Variants in SLC1A2 observed in about 807,000 individuals in gnomAD.
The protein encoded by SLC1A2 is excitatory amino acid transporter 2.
SLC1A2 carries 15 observed loss-of-function variants against 48.8 expected under a neutral mutation model. That is an observed-to-expected ratio of 0.31 (90% CI 0.21 to 0.47). The LOEUF (loss-of-function observed/expected upper bound fraction) is 0.47, where lower values mean the gene tolerates loss of function less well. Among genes scored for constraint, SLC1A2 ranks in the 20% least tolerant of loss-of-function variants. The pLI is 0.99. For missense variants in SLC1A2, 502 were observed against 730.5 expected, an observed-to-expected ratio of 0.69 and a Z score of 3.61; for synonymous variants, 279 against 272.6, an observed-to-expected ratio of 1.02 and a Z score of -0.23.
At chr11:35,330,774 T>G (rs1852400794) in intron 1 of SLC1A2, among the ~76,000 whole-genome samples, 1 of 152,170 alleles carries the variant, frequency 6.6e-6, no homozygotes, top group Admixed American at 6.5e-5. Flanking sequence ...CCAAGGCATG[T>G]GAGAAGCTTC....
At chr11:35,314,743 G>C (rs1234486002) in intron 3 of SLC1A2, among the ~76,000 whole-genome samples, 2 of 149,396 alleles carry the variant, frequency 1.3e-5, no homozygotes, top group African/African-American at 4.9e-5. Context: ...ACCACTAGAG[G>C]TATCATCACT....
intron 1 of SLC1A2, among the ~76,000 whole-genome samples, chr11:35,358,998 G>A (rs1853586662): frequency 6.6e-6 from 1 of 152,172 alleles, no homozygotes; most frequent in Non-Finnish European, 1.5e-5. Flanking sequence ...CACCACAAAA[G>A]CCAGACCTGC....
intron 1 of SLC1A2, chr11:35,374,334 G>T: frequency 1.0e-6 from 1 of 993,474 alleles, no homozygotes; most frequent in African/African-American, 1.6e-5. Context: ...CCTGGACCCT[G>T]CCCAGCAGAA....
chr11:35,396,002 G>A (rs1200460925), intron 1 of SLC1A2, among the ~76,000 whole-genome samples: 1 of 148,614 alleles, frequency 6.7e-6, no homozygotes, highest in Admixed American at 6.6e-5. Flanking sequence ...CAAAGGACGT[G>A]AACTCATCAT....
rs764923996 is a variant in SLC1A2, at chr11:35,265,557, T to C, written c.1623A>G (p.Ala541=). Residue 541 remains alanine, a synonymous_variant, in exon 10 of 11, where the codon GCA becomes GCG. Coordinates refer to ENST00000278379, the MANE Select transcript of SLC1A2 (RefSeq NM_004171.4). ...ATTCATCTACTATGACAGAGTTGTG[T>C]GCAGCATAGACACATTGATTAGAGT... ...ESNSNQCVYA[A]HNSVIVDECK... 1.2e-6 allele frequency: 2 copies of C among 1,602,974 alleles called. No individual in the cohort carries two copies. Among genetic ancestry groups the C allele is most frequent in the Non-Finnish European group, 8.5e-7 (1 of 1,169,918 alleles).
chr11:35,319,261 G>T (rs1419705291), intron 1 of SLC1A2, among the ~76,000 whole-genome samples: 1 of 152,168 alleles, frequency 6.6e-6, no homozygotes, highest in East Asian at 1.9e-4. Context: ...ACAGCAGGGG[G>T]AAATGATCAA....
chr11:35,355,701 A>T (rs1853429805), intron 1 of SLC1A2, among the ~76,000 whole-genome samples: 2 of 152,200 alleles, frequency 1.3e-5, no homozygotes, highest in African/African-American at 4.8e-5. Flanking sequence ...CCTAGTCAAC[A>T]TGGTGAAACC....
At chr11:35,322,612 G>C in intron 1 of SLC1A2, 1 of 1,535,208 alleles carries the variant, frequency 6.5e-7, no homozygotes, top group East Asian at 2.4e-5. Flanking sequence ...CCAGGCTTCA[G>C]GATCTGGAGA....
At chr11:35,366,582 C>T (rs1252285472) in intron 1 of SLC1A2, among the ~76,000 whole-genome samples, 2 of 152,198 alleles carry the variant, frequency 1.3e-5, no homozygotes, top group African/African-American at 4.8e-5. Flanking sequence ...ACAGTGGTAG[C>T]TAGCTTGATA....
intron 1 of SLC1A2, among the ~76,000 whole-genome samples, chr11:35,390,330 C>T (rs138172817): frequency 6.6e-5 from 10 of 152,292 alleles, no homozygotes; most frequent in South Asian, 2.1e-4. Flanking sequence ...GTACAAGAAA[C>T]GACCCATGTC....
chr11:35,310,484 G>T (rs1332260077), intron 4 of SLC1A2, among the ~76,000 whole-genome samples: 2 of 152,238 alleles, frequency 1.3e-5, no homozygotes, highest in African/African-American at 4.8e-5. Context: ...CTTTAATATA[G>T]GTCCATGCTA....
intron 1 of SLC1A2, among the ~76,000 whole-genome samples, chr11:35,363,837 C>A (rs1182853436): frequency 6.6e-6 from 1 of 152,120 alleles, no homozygotes; most frequent in Non-Finnish European, 1.5e-5. Flanking sequence ...GGCATCATAC[C>A]TTTTCCTCAC....
chr11:35,315,374 T>G (rs915534259), intron 2 of SLC1A2, 199 bp from the exon 3 acceptor site: 1 of 464,392 alleles, frequency 2.2e-6, no homozygotes, highest in Non-Finnish European at 3.9e-6. Flanking sequence ...CTCCAACTAT[T>G]CTTAAAAAGT....
chr11:35,262,884 T>A (rs1258224062), intron 10 of SLC1A2, among the ~76,000 whole-genome samples: 1 of 152,232 alleles, frequency 6.6e-6, no homozygotes, highest in Non-Finnish European at 1.5e-5. Flanking sequence ...AATTAACCAA[T>A]GAGTTTGCAG....
chr11:35,386,970 A>C (rs906418866), intron 1 of SLC1A2, among the ~76,000 whole-genome samples: 5 of 152,048 alleles, frequency 3.3e-5, no homozygotes, highest in Non-Finnish European at 7.4e-5. Flanking sequence ...GAGTCTTGCT[A>C]TGTTGCCCAG....
intron 1 of SLC1A2, among the ~76,000 whole-genome samples, chr11:35,376,578 C>T (rs541191498): frequency 2.6e-5 from 4 of 152,192 alleles, no homozygotes; most frequent in African/African-American, 9.6e-5. Flanking sequence ...AGGATCAAAG[C>T]CACTGCCATT....
At chr11:35,270,271 C>T (rs1428238766) in intron 9 of SLC1A2, among the ~76,000 whole-genome samples, 3 of 152,116 alleles carry the variant, frequency 2.0e-5, no homozygotes, top group Non-Finnish European at 4.4e-5. Flanking sequence ...TAACTTTTCA[C>T]CTGAGCAAGG....
At chr11:35,329,716 G>T (rs1852366485) in intron 1 of SLC1A2, among the ~76,000 whole-genome samples, 1 of 152,146 alleles carries the variant, frequency 6.6e-6, no homozygotes, top group Admixed American at 6.5e-5. Context: ...CTGAACAGTT[G>T]CAGTGCAGGG....
At position 35,312,414 on chromosome 11, in the gene SLC1A2, G is replaced by A. The variant is rs780949949; in HGVS notation, c.345C>T (p.Arg115=). 1 of 1,614,166 alleles carries A rather than the reference G, an allele frequency of 6.2e-7. No individual in the cohort carries two copies. The highest frequency in any genetic ancestry group is 8.5e-7 in the Non-Finnish European group (1 of 1,180,002). Residue 115 remains arginine (R), a synonymous_variant, in exon 4 of 11, where the codon CGC becomes CGT. Transcript: ENST00000278379. ...LSGLDAKASG[R]LGTRAMVYYM... ...AATACACCATGGCTCTCGTGCCCAA[G>A]CGGCCACTAGCCTTAGCATCCAGGC...
Sources: gnomAD v4.1 joint callset for allele counts (sites outside exome capture counted in the v4.1 genomes callset) on GRCh38, gnomAD v4.1.1 for gene constraint, MANE v1.5 for transcripts, NCBI Gene and HGNC (gene_info 2026-07-23, HGNC 2026-07-21) for gene names.